Variants in B3GNT2 observed in about 807,000 individuals in gnomAD.
B3GNT2 encodes UDP-GlcNAc:betaGal beta-1,3-N-acetylglucosaminyltransferase 2.
A neutral mutation model predicts 27.6 loss-of-function variants in B3GNT2; 12 were observed. The ratio of observed to expected loss-of-function variants is 0.44; its 90% CI spans 0.28 to 0.71. The LOEUF is 0.71. Ranked by LOEUF, B3GNT2 falls within the 30% of genes least tolerant of loss-of-function variation. The pLI, the probability that B3GNT2 is intolerant of heterozygous loss-of-function variation, is 0.17. For missense variants in B3GNT2, 413 were observed against 488.5 expected (o/e 0.85, Z 1.46); for synonymous variants, 192 against 189.7 (o/e 1.01, Z -0.10).
intron 1 of B3GNT2, among the ~76,000 whole-genome samples, chr2:62,211,941 C>T (rs1674489096): frequency 6.6e-6 from 1 of 152,126 alleles, no homozygotes; most frequent in African/African-American, 2.4e-5. Context: ...TGTATAGGAC[C>T]CATGTTTTAT....
At position 62,216,420 on chromosome 2, in the gene B3GNT2, T is replaced by A. The variant is rs1674574031; in HGVS notation, c.-9-5792T>A. Among the ~76,000 whole-genome samples, 5 of 151,078 alleles carry A rather than the reference T, an allele frequency of 3.3e-5. No individual in the cohort carries two copies. The South Asian group carries it at 1.0e-3, about 32-fold the overall frequency. ...GATTTTTCTTTTTTTTTGTTTTTTT[T>A]AAAGAGATAGGGTCTCACTCTGTCA... On this transcript the variant is annotated intron_variant, in intron 1 of 1. Coordinates refer to ENST00000301998, the MANE Select transcript of B3GNT2 (RefSeq NM_006577.6).
intron 1 of B3GNT2, among the ~76,000 whole-genome samples, chr2:62,206,325 T>A (rs1033423805): frequency 6.6e-6 from 1 of 152,190 alleles, no homozygotes; most frequent in African/African-American, 2.4e-5. Context: ...GACAACTTTC[T>A]GATCCTGTGA....
intron 1 of B3GNT2, among the ~76,000 whole-genome samples, chr2:62,219,603 T>A (rs1201141066): frequency 6.6e-6 from 1 of 152,172 alleles, no homozygotes; most frequent in Non-Finnish European, 1.5e-5. Context: ...TTTTCTTCAT[T>A]GTAGTTTTTC....
intron 1 of B3GNT2, among the ~76,000 whole-genome samples, chr2:62,203,521 G>C (rs1026049205): frequency 1.3e-5 from 2 of 152,162 alleles, no homozygotes; most frequent in African/African-American, 4.8e-5. Flanking sequence ...GGGGGTTCCT[G>C]AGCTTGGGGT....
intron 1 of B3GNT2, among the ~76,000 whole-genome samples, chr2:62,203,225 G>A (rs1291587132): frequency 6.6e-6 from 1 of 152,156 alleles, no homozygotes; most frequent in African/African-American, 2.4e-5. Context: ...GTACAAGATT[G>A]AAATATGTAT....
chr2:62,222,478 G>T lies in B3GNT2; in HGVS notation c.258G>T (p.Arg86Ser), dbSNP rs770122947. ...CCAACCAGACGGGGGAGGCGGGCAGGCTCTCCAATATAAGCCATCTGAACT... is the reference window on the plus strand; with the variant it reads ...CCAACCAGACGGGGGAGGCGGGCAGTCTCTCCAATATAAGCCATCTGAACT... ...MLTNQTGEAGRLSNISHLNYC... is the reference protein window; with the variant it reads ...MLTNQTGEAGSLSNISHLNYC... The change falls in exon 2 of 2, where the codon AGG becomes AGT. Residue 86 changes from arginine (R) to serine (S), a missense_variant. By Grantham distance (110) the Arg-to-Ser change is moderately radical (BLOSUM62 -1). Transcript: ENST00000301998. The surrounding 1 kb of genome is among the most constrained non-coding windows in gnomAD (Gnocchi z 4.2). 29 of 1,613,952 alleles carry T rather than the reference G, an allele frequency of 1.8e-5. No individual in the cohort carries two copies. In the South Asian group the frequency reaches 3.2e-4, roughly 18 times the overall value.
chr2:62,220,107 A>G (rs760621791), intron 1 of B3GNT2, among the ~76,000 whole-genome samples: 25 of 152,272 alleles, frequency 1.6e-4, no homozygotes, highest in Admixed American at 7.2e-4. Context: ...GCCCCTCTCA[A>G]TCCTAATCTT....
In B3GNT2 at chr2:62,223,675, C is replaced by T. The variant is rs1172395323; in HGVS notation, c.*261C>T. The T allele has an allele frequency of 1.8e-5, 6 of 331,478 alleles. No individual in the cohort carries two copies. The highest frequency in any genetic ancestry group is 5.8e-6 in the Non-Finnish European group (1 of 172,636). 20.5% of individuals were successfully genotyped at this position (331,478 alleles called of 1,614,324 possible). ...GTGGTCATTTTTAAAAAACTTGTAC[C>T]CTCTTATCTGAAATCCTGTTTCTGG... On this transcript the variant is annotated 3_prime_UTR_variant, in exon 2 of 2. Coordinates refer to ENST00000301998, the MANE Select transcript of B3GNT2 (RefSeq NM_006577.6).
chr2:62,214,059 G>A (rs547749915), intron 1 of B3GNT2, among the ~76,000 whole-genome samples: 14 of 152,306 alleles, frequency 9.2e-5, no homozygotes, highest in African/African-American at 3.4e-4. Context: ...CTGGTGTTTA[G>A]GCTGGGGCAT....
At chr2:62,202,037 A>G (rs1049331627) in intron 1 of B3GNT2, among the ~76,000 whole-genome samples, 3 of 152,232 alleles carry the variant, frequency 2.0e-5, no homozygotes, top group African/African-American at 4.8e-5. Context: ...CCAACACGGA[A>G]AACCTGCCCT....
Position 62,223,485 on chromosome 2 carries a change from G to C in B3GNT2, c.*71G>C. On this transcript the variant is annotated 3_prime_UTR_variant, in exon 2 of 2. Transcript: ENST00000301998. ...GTTCCCATGTTGTGTTCTCACATTA[G>C]AGTAATTTCTATATTAAACCATGAA... is the stretch of plus-strand genomic sequence containing the variant. 7.6e-7 allele frequency: 1 copy of C among 1,324,092 alleles called. No individual in the cohort carries two copies. Among genetic ancestry groups the C allele is most frequent in the Non-Finnish European group, 1.0e-6 (1 of 967,226 alleles). The allele number at this position is 1,324,092 out of a possible 1,614,324, so 82.0% of individuals were successfully genotyped here.
chr2:62,199,824 A>G (rs919041017), intron 1 of B3GNT2, among the ~76,000 whole-genome samples: 4 of 152,250 alleles, frequency 2.6e-5, no homozygotes, highest in African/African-American at 9.6e-5. Flanking sequence ...TATGTCTGCA[A>G]ATTACAGAAT....
chr2:62,206,017 G>C (rs1262013604), intron 1 of B3GNT2: 2 of 154,302 alleles, frequency 1.3e-5, no homozygotes, highest in Non-Finnish European at 2.9e-5. Context: ...TTTGAACCTG[G>C]GCCTTCAAGG....
Position 62,223,167 on chromosome 2 carries a change from C to T in B3GNT2, c.947C>T (p.Ala316Val). ...GGGTTCCTCTACTCCGGCCACCTGG[C>T]CCTGAGGCTGTACCATATCACTGAC... is the stretch of plus-strand genomic sequence containing the variant. ...GGGFLYSGHL[A>V]LRLYHITDQV... The change falls in exon 2 of 2, where the codon GCC becomes GTC. Residue 316 changes from alanine (A) to valine (V), a missense_variant. Ala to Val is a moderately conservative substitution (Grantham distance 64, BLOSUM62 0). Transcript: ENST00000301998. 6.2e-7 allele frequency: 1 copy of T among 1,614,210 alleles called. No individual in the cohort carries two copies. The highest frequency in any genetic ancestry group is 8.5e-7 in the Non-Finnish European group (1 of 1,180,032).
rs185962061 is a variant in B3GNT2, at chr2:62,214,161, C to T, written c.-9-8051C>T. Among the ~76,000 whole-genome samples the T allele has an allele frequency of 2.1e-3, 325 of 152,312 alleles. 3 individuals are homozygous for T. Among genetic ancestry groups the T allele is most frequent in the African/African-American group, 7.5e-3 (310 of 41,562 alleles). On this transcript the variant is annotated intron_variant, in intron 1 of 1. Transcript: ENST00000301998. ...AGAAGAAAGGAGTTCTAGAAAACAA[C>T]AGACACATAGCTAGAGTTAGGCTCT...
chr2:62,218,207 C>G (rs940361386), intron 1 of B3GNT2, among the ~76,000 whole-genome samples: 5 of 152,324 alleles, frequency 3.3e-5, no homozygotes, highest in African/African-American at 4.8e-5. Flanking sequence ...ATGGGGGTCA[C>G]TGCTTTATCC....
intron 1 of B3GNT2, among the ~76,000 whole-genome samples, chr2:62,202,246 G>A (rs1470685923): frequency 2.6e-5 from 4 of 152,246 alleles, no homozygotes; most frequent in Non-Finnish European, 5.9e-5. Context: ...AGCCAATTAT[G>A]TGTTGGAGGC....
Position 62,223,405 on chromosome 2 carries a change from A to G in B3GNT2, c.1185A>G (p.Leu395=). 1.2e-6 allele frequency: 2 copies of G among 1,600,558 alleles called. No individual in the cohort carries two copies. The highest frequency in any genetic ancestry group is 1.7e-6 in the Non-Finnish European group (2 of 1,172,466). Residue 395 remains leucine, a synonymous_variant, in exon 2 of 2, where the codon TTA becomes TTG. Transcript: ENST00000301998. Reference sequence around the variant, plus strand: ...GGTCTCAGTTGCAGAGTGCTCATTTAAAATGCTAAAATAGATACAAACTCA... The same window carrying G: ...GGTCTCAGTTGCAGAGTGCTCATTTGAAATGCTAAAATAGATACAAACTCA... ...DIWSQLQSAH[L]KC
Position 62,223,358 on chromosome 2 carries a change from C to T in B3GNT2, c.1138C>T (p.Pro380Ser). Residue 380 changes from proline (P) to serine (S), a missense_variant, in exon 2 of 2, where the codon CCT becomes TCT. Transcript: ENST00000301998. ...VDLMLVHSRK[P>S]QEMIDIWSQL... ...TCTGATGTTAGTACATAGTAGAAAA[C>T]CTCAAGAGATGATTGATATTTGGTC... 6.2e-7 allele frequency: 1 copy of T among 1,613,344 alleles called. No homozygotes were observed. Among genetic ancestry groups the T allele is most frequent in the Non-Finnish European group, 8.5e-7 (1 of 1,179,762 alleles).
Sources: allele counts gnomAD v4.1 joint callset (sites outside exome capture counted in the v4.1 genomes callset), GRCh38; gene constraint gnomAD v4.1.1; non-coding constraint Gnocchi (gnomAD v3.1); transcripts MANE v1.5; gene names NCBI Gene and HGNC (gene_info 2026-07-23, HGNC 2026-07-21).